C2CD5: variants seen among roughly 807,000 people sequenced by gnomAD.
C2CD5 encodes the protein C2 calcium dependent domain containing 5, also known as C2 domain-containing protein 5.
A neutral mutation model predicts 130.3 loss-of-function variants in C2CD5; 109 were observed. The ratio of observed to expected loss-of-function variants is 0.84; its 90% CI spans 0.72 to 0.98. The LOEUF is 0.98. Ranked by LOEUF, C2CD5 falls within the 50% of genes least tolerant of loss-of-function variation. The pLI is 0.00. For synonymous variants in C2CD5, 454 were observed against 429.2 expected, an observed-to-expected ratio of 1.06 and a Z score of -0.71; for missense variants, 996 against 1,261.8, an observed-to-expected ratio of 0.79 and a Z score of 3.19.
In C2CD5 at chr12:22,525,599, T is replaced by G. The variant is rs751850787; in HGVS notation, c.445+11A>C. ...ACATTTCCTGTTGAGTAATAGAATGTATTTACTTACTGCAAAAGAATTTGA... is the reference window on the plus strand; with the variant it reads ...ACATTTCCTGTTGAGTAATAGAATGGATTTACTTACTGCAAAAGAATTTGA... On this transcript the variant is annotated intron_variant, in intron 5 of 26. Transcript: ENST00000446597. 3 of 1,199,132 alleles carry G rather than the reference T, an allele frequency of 2.5e-6. No individual in the cohort carries two copies. The highest frequency in any genetic ancestry group is 3.7e-6 in the Non-Finnish European group (3 of 803,238). 74.3% of individuals were successfully genotyped at this position (1,199,132 alleles called of 1,614,324 possible).
intron 9 of C2CD5, among the ~76,000 whole-genome samples, chr12:22,508,595 A>T (rs913486427): frequency 3.3e-5 from 5 of 152,216 alleles, no homozygotes; most frequent in Non-Finnish European, 7.3e-5. Context: ...TGTTAGGCAC[A>T]GCACACACGG....
At chr12:22,517,641 T>C (rs890936996) in intron 8 of C2CD5, among the ~76,000 whole-genome samples, 1 of 152,170 alleles carries the variant, frequency 6.6e-6, no homozygotes, top group Non-Finnish European at 1.5e-5. Context: ...CAAAAATGCT[T>C]GTATGCAATT....
intron 11 of C2CD5, among the ~76,000 whole-genome samples, chr12:22,492,755 T>C (rs1342145454): frequency 6.6e-6 from 1 of 152,142 alleles, no homozygotes; most frequent in African/African-American, 2.4e-5. Flanking sequence ...TTAGGAAGAA[T>C]GATTTGTTAG....
intron 9 of C2CD5, 139 bp from the exon 10 acceptor site, chr12:22,506,958 T>G: frequency 5.2e-6 from 3 of 579,570 alleles, no homozygotes. Flanking sequence ...ACATGCTTTG[T>G]AATTAAAAGT....
intron 8 of C2CD5, among the ~76,000 whole-genome samples, chr12:22,515,677 T>A (rs1317141977): frequency 6.6e-6 from 1 of 152,258 alleles, no homozygotes; most frequent in East Asian, 1.9e-4. Flanking sequence ...TTGTCAGTAT[T>A]AATTTTAATA....
intron 15 of C2CD5, among the ~76,000 whole-genome samples, chr12:22,476,297 G>A (rs1943827596): frequency 1.3e-5 from 2 of 152,046 alleles, no homozygotes; most frequent in South Asian, 4.1e-4. Context: ...ACTGTAATGT[G>A]TATAGTGGCC....
intron 26 of C2CD5, among the ~76,000 whole-genome samples, chr12:22,451,782 A>G (rs1938682208): frequency 1.3e-5 from 2 of 152,174 alleles, no homozygotes; most frequent in Non-Finnish European, 2.9e-5. Context: ...GGGGCAACAG[A>G]TGAGTCTGAA....
At chr12:22,511,937 TA>T (rs929516664) in intron 9 of C2CD5, among the ~76,000 whole-genome samples, 3 of 151,964 alleles carry the variant, frequency 2.0e-5, no homozygotes, top group African/African-American at 7.3e-5. Context: ...CATTCTGGCC[TA>T]AAAAAAATGG....
chr12:22,499,444 G>T (rs558873063), intron 10 of C2CD5, among the ~76,000 whole-genome samples: 1 of 152,292 alleles, frequency 6.6e-6, no homozygotes, highest in African/African-American at 2.4e-5. Flanking sequence ...AACAGGATTA[G>T]AGTCGACCTC....
At position 22,517,995 on chromosome 12, in the gene C2CD5, G is replaced by A. The variant is rs935365007; in HGVS notation, c.943C>T (p.Pro315Ser). The change falls in exon 8 of 27, where the codon CCC becomes TCC. Residue 315 changes from proline (P) to serine (S), a missense_variant. Pro to Ser is a moderately conservative substitution (Grantham distance 74, BLOSUM62 -1). Transcript: ENST00000446597. The stretch of plus-strand genomic sequence containing the variant: ...GGTGGAAGCGCCTTACCAGTTTTGG[G>A]TGTCAAACTCAAATCTGTGTCAGAA... Reference protein sequence around the residue: ...SSSDTDLSLTPKTGMGSGSAG... With the variant: ...SSSDTDLSLTSKTGMGSGSAG... 2 of 1,612,700 alleles carry A rather than the reference G, an allele frequency of 1.2e-6. No individual in the cohort carries two copies. Among genetic ancestry groups the A allele is most frequent in the African/African-American group, 1.3e-5 (1 of 74,844 alleles).
intron 16 of C2CD5, among the ~76,000 whole-genome samples, chr12:22,473,268 C>T (rs146068896): frequency 1.3e-5 from 2 of 152,170 alleles, no homozygotes; most frequent in Non-Finnish European, 2.9e-5. Context: ...CTTACATCAC[C>T]ATATTCCACT....
chr12:22,466,671 G>C (rs1942130541), intron 22 of C2CD5, among the ~76,000 whole-genome samples: 1 of 152,086 alleles, frequency 6.6e-6, no homozygotes, highest in Non-Finnish European at 1.5e-5. Context: ...GAAAAGACTT[G>C]AAGCACAAGA....
In C2CD5 at chr12:22,491,878, CAAAAAA is replaced by C. The variant is rs202192466; in HGVS notation, c.1262+1339_1262+1344del. On this transcript the variant is annotated intron_variant, in intron 11 of 26. Coordinates refer to ENST00000446597, the MANE Select transcript of C2CD5 (RefSeq NM_001286176.2). ...AAGAGTGAAACTCTATCTCAAAAAA[CAAAAAA>C]AAAAACGACAACAACAAAAAACATT... Among the ~76,000 whole-genome samples the C allele has an allele frequency of 6.0e-5, 8 of 134,308 alleles. No homozygotes were observed. The East Asian group carries it at 1.9e-3, about 32-fold the overall frequency. The allele number at this position is 134,308 out of a possible 152,430, so 88.1% of individuals were successfully genotyped here.
chr12:22,492,932 T>C (rs149087892), intron 11 of C2CD5, among the ~76,000 whole-genome samples: 356 of 152,310 alleles, frequency 2.3e-3, no homozygotes, highest in Middle Eastern at 0.014. Context: ...ATATTTGCTG[T>C]GTGCCAGTAT....
chr12:22,468,593 T>G (rs1591972939), intron 22 of C2CD5, among the ~76,000 whole-genome samples: 1 of 152,180 alleles, frequency 6.6e-6, no homozygotes, highest in African/African-American at 2.4e-5. Context: ...CACATTACCT[T>G]TGAATTTGAT....
chr12:22,467,606 G>A (rs1237960970), intron 22 of C2CD5, among the ~76,000 whole-genome samples: 1 of 152,140 alleles, frequency 6.6e-6, no homozygotes, highest in Non-Finnish European at 1.5e-5. Context: ...TACAAAGGAC[G>A]AACTGAGGCT....
At chr12:22,466,348 T>TA (rs1371182879) in intron 22 of C2CD5, among the ~76,000 whole-genome samples, 1 of 152,022 alleles carries the variant, frequency 6.6e-6, no homozygotes, top group East Asian at 1.9e-4. Context: ...ACAAAATGAT[T>TA]AAAAAACTAT....
chr12:22,478,087 G>T, intron 15 of C2CD5: 1 of 490,262 alleles, frequency 2.0e-6, no homozygotes, highest in Non-Finnish European at 3.7e-6. Context: ...AGAGGGAAAA[G>T]TCATAGGAAG....
intron 10 of C2CD5, chr12:22,497,633 G>A (rs1947191764): frequency 2.1e-6 from 2 of 954,746 alleles, no homozygotes; most frequent in South Asian, 9.7e-5. Context: ...TTCCCCTAAT[G>A]AAAAAGAAAT....
Sources: gnomAD v4.1 joint callset for allele counts (sites outside exome capture counted in the v4.1 genomes callset) on GRCh38, gnomAD v4.1.1 for gene constraint, MANE v1.5 for transcripts, NCBI Gene and HGNC (gene_info 2026-07-23, HGNC 2026-07-21) for gene names.